The following RBFOX1 variants were observed in gnomAD, a reference collection of about 807,000 sequenced individuals.
RBFOX1 encodes the protein RNA binding protein fox-1 homolog 1.
Under a neutral mutation model 57.7 loss-of-function variants are expected in RBFOX1, and 8 were observed. That is an observed-to-expected ratio of 0.14 (90% confidence interval 0.08 to 0.25). RBFOX1 has a LOEUF of 0.25. Among genes scored for constraint, RBFOX1 ranks in the 10% least tolerant of loss-of-function variants. RBFOX1 has a pLI of 1.00. For synonymous variants in RBFOX1, 326 were observed against 222.4 expected (o/e 1.47, Z -4.15); for missense variants, 611 against 548.5 (o/e 1.11, Z -1.14).
intron 3 of RBFOX1, among the ~76,000 whole-genome samples, chr16:6,982,286 G>T (rs915456492): frequency 3.9e-5 from 6 of 152,156 alleles, no homozygotes; most frequent in African/African-American, 1.4e-4. Flanking sequence ...AACAAAGATT[G>T]ACCTACATTA....
intron 3 of RBFOX1, among the ~76,000 whole-genome samples, chr16:7,038,550 G>A (rs1288777074): frequency 6.6e-6 from 1 of 152,152 alleles, no homozygotes; most frequent in Middle Eastern, 3.2e-3. Flanking sequence ...CAGATGCCAA[G>A]ACATTTCGTG....
At chr16:7,474,284 C>G (rs2062169144) in intron 4 of RBFOX1, among the ~76,000 whole-genome samples, 1 of 152,096 alleles carries the variant, frequency 6.6e-6, no homozygotes, top group African/African-American at 2.4e-5. Flanking sequence ...GAGACTCCAT[C>G]TCATGAAAAA....
chr16:6,957,106 T>TTATTTG (rs1354627588), intron 3 of RBFOX1, among the ~76,000 whole-genome samples: 384 of 142,946 alleles, frequency 2.7e-3, no homozygotes, highest in African/African-American at 9.4e-3. Flanking sequence ...TTTTATTTTT[T>TTATTTG]TATTTTTATT....
rs149230664 is a variant in RBFOX1, at chr16:6,196,561, C to T, written c.-126-120434C>T. 6.5e-3 allele frequency among the ~76,000 whole-genome samples: 988 copies of T among 152,168 alleles called. 3 individuals are homozygous for T. The highest frequency in any genetic ancestry group is 0.014 in the Admixed American group (214 of 15,268). ...TGGCTGCGACTTAAAAAGCCAAATC[C>T]ACCCCCCAAATGTGAATTATTGCCT... On this transcript the variant is annotated intron_variant, in intron 1 of 15. Transcript: ENST00000550418.
At chr16:6,226,492 A>G (rs912184313) in intron 1 of RBFOX1, among the ~76,000 whole-genome samples, 2 of 151,980 alleles carry the variant, frequency 1.3e-5, no homozygotes, top group East Asian at 3.9e-4. Flanking sequence ...AAAGGAGTGC[A>G]TTGCCCATGA....
At chr16:7,257,025 G>T (rs1333882437) in intron 4 of RBFOX1, among the ~76,000 whole-genome samples, 1 of 152,010 alleles carries the variant, frequency 6.6e-6, no homozygotes, top group South Asian at 2.1e-4. Context: ...CCTCTGATCC[G>T]ACCCTCCTGG....
intron 3 of RBFOX1, among the ~76,000 whole-genome samples, chr16:6,698,919 T>C (rs1236222924): frequency 3.3e-5 from 5 of 152,176 alleles, no homozygotes; most frequent in African/African-American, 4.8e-5. Context: ...AAAAGAGGCA[T>C]ATTGAATGTG....
chr16:6,739,884 A>G (rs1008579465), intron 3 of RBFOX1, among the ~76,000 whole-genome samples: 1 of 152,118 alleles, frequency 6.6e-6, no homozygotes, highest in Non-Finnish European at 1.5e-5. Flanking sequence ...CTTAAGAATA[A>G]AACGTGGTGG....
intron 3 of RBFOX1, among the ~76,000 whole-genome samples, chr16:6,755,817 T>C (rs2075699890): frequency 6.6e-6 from 1 of 152,214 alleles, no homozygotes; most frequent in Admixed American, 6.5e-5. Context: ...TTGGAGCGAT[T>C]ATACTTAAAG....
chr16:5,311,462 T>G (rs2151221856), intron 1 of RBFOX1, among the ~76,000 whole-genome samples: 1 of 152,316 alleles, frequency 6.6e-6, no homozygotes, highest in South Asian at 2.1e-4. Flanking sequence ...TTTAGTTCTT[T>G]AAGATATCTC....
At chr16:5,831,327 C>CT (rs2056264730) in intron 3 of RBFOX1, among the ~76,000 whole-genome samples, 1 of 152,096 alleles carries the variant, frequency 6.6e-6, no homozygotes, top group Non-Finnish European at 1.5e-5. Context: ...GCCATTCTCT[C>CT]TATCTTGCTC....
intron 3 of RBFOX1, among the ~76,000 whole-genome samples, chr16:7,040,811 C>T (rs2045897732): frequency 6.6e-6 from 1 of 152,184 alleles, no homozygotes; most frequent in African/African-American, 2.4e-5. Context: ...TCATAATATT[C>T]CGTAGTATAG....
chr16:5,765,085 C>A (rs530710207), intron 3 of RBFOX1, among the ~76,000 whole-genome samples: 1 of 152,284 alleles, frequency 6.6e-6, no homozygotes, highest in East Asian at 1.9e-4. Context: ...TGTGCACAGG[C>A]AAGCATGTTT....
At chr16:5,902,454 C>G (rs532331277) in intron 4 of RBFOX1, among the ~76,000 whole-genome samples, 3 of 152,074 alleles carry the variant, frequency 2.0e-5, no homozygotes, top group Admixed American at 6.6e-5. Context: ...TGCTCTGACA[C>G]CCAGACTGGA....
intron 4 of RBFOX1, among the ~76,000 whole-genome samples, chr16:6,012,016 C>A (rs1470332471): frequency 5.9e-5 from 9 of 152,208 alleles, no homozygotes. Context: ...CTGAGGAAGT[C>A]ACCACTCACT....
chr16:5,851,047 C>T (rs1030458427), intron 3 of RBFOX1, among the ~76,000 whole-genome samples: 1 of 152,186 alleles, frequency 6.6e-6, no homozygotes, highest in African/African-American at 2.4e-5. Flanking sequence ...TGTGGGAGTG[C>T]ACCCCCCAAA....
intron 4 of RBFOX1, among the ~76,000 whole-genome samples, chr16:7,497,234 G>T (rs1262186317): frequency 2.0e-5 from 3 of 152,092 alleles, no homozygotes; most frequent in Admixed American, 6.6e-5. Flanking sequence ...TCTAGCCCCA[G>T]TTCCTGCTAA....
At chr16:5,825,440 G>C (rs941406674) in intron 3 of RBFOX1, among the ~76,000 whole-genome samples, 2 of 152,166 alleles carry the variant, frequency 1.3e-5, no homozygotes, top group East Asian at 3.8e-4. Context: ...TATAAGGTTC[G>C]AAGGAAGTGT....
chr16:7,111,744 T>A (rs114362693), intron 4 of RBFOX1, among the ~76,000 whole-genome samples: 2,452 of 143,380 alleles, frequency 0.017, 68 homozygotes, highest in African/African-American at 0.065. Context: ...TTATTCTGAT[T>A]GTTATTTTGT....
Sources: gnomAD v4.1 joint callset for allele counts (sites outside exome capture counted in the v4.1 genomes callset) on GRCh38, gnomAD v4.1.1 for gene constraint, MANE v1.5 for transcripts, NCBI Gene and HGNC (gene_info 2026-07-23, HGNC 2026-07-21) for gene names.